LRP1B: variants seen among roughly 807,000 people sequenced by gnomAD.
LRP1B encodes the protein LDL receptor related protein 1B.
LRP1B carries 217 observed loss-of-function variants against 556.6 expected under a neutral mutation model. That is an observed-to-expected ratio of 0.39 (90% confidence interval 0.35 to 0.44). The LOEUF is 0.44. LRP1B is among the 20% of genes least tolerant of loss of function. The pLI is 1.00. For missense variants in LRP1B, 5,053 were observed against 5,620.8 expected, an observed-to-expected ratio of 0.90 and a Z score of 3.23; for synonymous variants, 2,047 against 1,865.8, an observed-to-expected ratio of 1.10 and a Z score of -2.50.
chr2:141,909,843 T>A (rs996928615), intron 1 of LRP1B, among the ~76,000 whole-genome samples: 1 of 152,030 alleles, frequency 6.6e-6, no homozygotes. Context: ...GACACTGAAG[T>A]CATTTATAAC....
intron 41 of LRP1B, among the ~76,000 whole-genome samples, chr2:140,697,189 G>T (rs886885755): frequency 1.3e-5 from 2 of 152,056 alleles, no homozygotes; most frequent in Admixed American, 1.3e-4. Context: ...TTTGATTTTG[G>T]ATGACAGAAT....
intron 1 of LRP1B, among the ~76,000 whole-genome samples, chr2:142,059,916 GTTTA>G (rs1044422086): frequency 6.6e-6 from 1 of 151,958 alleles, no homozygotes; most frequent in Non-Finnish European, 1.5e-5. Context: ...GTTGAATAAA[GTTTA>G]TTTAGAGTGT....
chr2:140,865,959 G>T (rs1478537272), intron 27 of LRP1B, among the ~76,000 whole-genome samples: 2 of 152,038 alleles, frequency 1.3e-5, no homozygotes, highest in Non-Finnish European at 2.9e-5. Context: ...AATTTACTAA[G>T]GGTCATGCCA....
chr2:141,509,997 T>C (rs1574028415), intron 2 of LRP1B, among the ~76,000 whole-genome samples: 2 of 151,976 alleles, frequency 1.3e-5, no homozygotes, highest in Middle Eastern at 6.8e-3. Flanking sequence ...GAAAACTCAG[T>C]AGAAGAGATA....
Position 140,501,761 on chromosome 2 carries a change from G to A in LRP1B, c.8776C>T (p.His2926Tyr), listed in dbSNP as rs146247369. 2 of 1,612,684 alleles carry A rather than the reference G, an allele frequency of 1.2e-6. No homozygotes were observed. The highest frequency in any genetic ancestry group is 8.5e-7 in the Non-Finnish European group (1 of 1,179,106). Residue 2926 changes from histidine (H) to tyrosine (Y), a missense_variant, in exon 55 of 91, where the codon CAT becomes TAT. Physicochemically the swap from His to Tyr is moderately conservative, Grantham distance 83 (BLOSUM62 2). Transcript: ENST00000389484. Reference sequence around the variant, plus strand: ...TTCTTACTCAAACATTCATTTATATGGCAGTTTCTCTCATCTGAACCATCG... The same window carrying A: ...TTCTTACTCAAACATTCATTTATATAGCAGTTTCTCTCATCTGAACCATCG... ...CGDGSDERNC[H>Y]INECLSKKVS...
At chr2:141,357,104 G>A (rs1189725898) in intron 3 of LRP1B, among the ~76,000 whole-genome samples, 1 of 151,282 alleles carries the variant, frequency 6.6e-6, no homozygotes, top group Non-Finnish European at 1.5e-5. Flanking sequence ...TACCTAGTCT[G>A]GAGTGCAGTG....
intron 7 of LRP1B, among the ~76,000 whole-genome samples, chr2:141,128,011 A>G (rs1701259116): frequency 6.6e-6 from 1 of 152,134 alleles, no homozygotes; most frequent in South Asian, 2.1e-4. Context: ...TTTTTTAGAG[A>G]CATGTTTTTG....
At chr2:140,980,818 A>G (rs1348413367) in intron 18 of LRP1B, among the ~76,000 whole-genome samples, 1 of 152,252 alleles carries the variant, frequency 6.6e-6, no homozygotes, top group Non-Finnish European at 1.5e-5. Flanking sequence ...ACAATTTGCA[A>G]TTGCAAAGAT....
At chr2:142,130,353 T>A (rs1313895860) in intron 1 of LRP1B, among the ~76,000 whole-genome samples, 1 of 152,132 alleles carries the variant, frequency 6.6e-6, no homozygotes, top group Admixed American at 6.5e-5. Flanking sequence ...TCTGCAGCGC[T>A]TAGAATTCGC....
intron 21 of LRP1B, among the ~76,000 whole-genome samples, chr2:140,918,428 CTG>C (rs1289349592): frequency 2.0e-5 from 3 of 151,862 alleles, no homozygotes; most frequent in African/African-American, 7.3e-5. Flanking sequence ...ATGAATATAT[CTG>C]TGTGATAAAT....
At chr2:141,019,869 C>T (rs2105396258) in intron 12 of LRP1B, 53 bp downstream of exon 12, 2 of 1,305,994 alleles carry the variant, frequency 1.5e-6, no homozygotes, top group South Asian at 3.3e-5. Context: ...ATGTAAGAAA[C>T]AAATTTATCT....
rs941614991 is a variant in LRP1B, at chr2:140,370,286, A to C, written c.11008+424T>G. On this transcript the variant is annotated intron_variant, in intron 71 of 90. Transcript: ENST00000389484. ...TAACCTATATATCATACAGCATATG[A>C]ATGTAAGCAATTGAGTATGCCATAT... Among the ~76,000 whole-genome samples, 7 of 152,046 alleles carry C rather than the reference A, an allele frequency of 4.6e-5. 1 individual carries two copies. The highest frequency in any genetic ancestry group is 1.7e-4 in the African/African-American group (7 of 41,442).
rs140818928 is a variant in LRP1B at position 140,265,241 on chromosome 2, G to A, written c.13247+5001C>T. 2.4e-3 allele frequency among the ~76,000 whole-genome samples: 361 copies of A among 151,898 alleles called. 1 individual carries two copies. The highest frequency in any genetic ancestry group is 8.3e-3 in the African/African-American group (344 of 41,438). ...TGATTTCTATAGCTTACAATAAAACGTATTTAATAGTACAAACACTGTCAA... is the reference window on the plus strand; with the variant it reads ...TGATTTCTATAGCTTACAATAAAACATATTTAATAGTACAAACACTGTCAA... On this transcript the variant is annotated intron_variant, in intron 86 of 90. Coordinates refer to ENST00000389484, the MANE Select transcript of LRP1B (RefSeq NM_018557.3).
rs555441308 is a variant in LRP1B, at chr2:141,890,469, G to T, written c.83-80068C>A. On this transcript the variant is annotated intron_variant, in intron 1 of 90. Coordinates refer to ENST00000389484, the MANE Select transcript of LRP1B (RefSeq NM_018557.3). The stretch of plus-strand genomic sequence containing the variant: ...CATACTAACAAAAAAATGTCCTATT[G>T]AATAATCACACGTCTGCAAGTATAT... Among the ~76,000 whole-genome samples the T allele has an allele frequency of 4.0e-5, 6 of 150,034 alleles. No homozygotes were observed. The East Asian group carries it at 9.8e-4, about 24-fold the overall frequency.
chr2:140,296,604 G>A (rs1683612697), intron 84 of LRP1B, among the ~76,000 whole-genome samples: 2 of 145,194 alleles, frequency 1.4e-5, no homozygotes, highest in African/African-American at 5.1e-5. Context: ...CTCAATTTTG[G>A]TTGCATGTGT....
intron 41 of LRP1B, among the ~76,000 whole-genome samples, chr2:140,613,156 T>A (rs1683126538): frequency 6.7e-6 from 1 of 149,886 alleles, no homozygotes; most frequent in Admixed American, 6.7e-5. Context: ...TTGAGTTATC[T>A]TAGGCAGGCA....
intron 86 of LRP1B, among the ~76,000 whole-genome samples, chr2:140,268,819 C>A (rs1456085111): frequency 6.6e-6 from 1 of 151,446 alleles, no homozygotes; most frequent in Non-Finnish European, 1.5e-5. Context: ...ACTCTAAGAT[C>A]TTTCATCTAT....
intron 18 of LRP1B, among the ~76,000 whole-genome samples, chr2:140,966,210 G>T (rs1696216634): frequency 1.3e-5 from 2 of 152,152 alleles, no homozygotes; most frequent in Admixed American, 6.5e-5. Context: ...ATCCTCTCCA[G>T]CACCTGTTGT....
chr2:141,186,707 T>C (rs1681274545), intron 7 of LRP1B, among the ~76,000 whole-genome samples: 2 of 152,050 alleles, frequency 1.3e-5, no homozygotes, highest in Admixed American at 6.6e-5. Flanking sequence ...GCAAATGATG[T>C]GGGGGTTTTC....
Sources: gnomAD v4.1 joint callset for allele counts (sites outside exome capture counted in the v4.1 genomes callset) on GRCh38, gnomAD v4.1.1 for gene constraint, MANE v1.5 for transcripts, NCBI Gene and HGNC (gene_info 2026-07-23, HGNC 2026-07-21) for gene names.